Variants in PCDHGA5 observed in about 807,000 individuals in gnomAD.
PCDHGA5 encodes the protein protocadherin gamma subfamily A, 5.
A neutral mutation model predicts 56.7 loss-of-function variants in PCDHGA5; 36 were observed. The observed-to-expected ratio is 0.64, with a 90% confidence interval of 0.49 to 0.84. The LOEUF (loss-of-function observed/expected upper bound fraction) is 0.84. Ranked by LOEUF, PCDHGA5 falls within the 40% of genes least tolerant of loss-of-function variation. PCDHGA5 has a pLI of 0.00. For missense variants in PCDHGA5, 1,305 were observed against 1,201.5 expected (o/e 1.09, Z -1.27); for synonymous variants, 563 against 520.2 (o/e 1.08, Z -1.12).
At chr5:141,408,052 C>T in intron 1 of PCDHGA5, 1 of 1,283,102 alleles carries the variant, frequency 7.8e-7, no homozygotes, top group Non-Finnish European at 1.0e-6. Context: ...CACACAGAGC[C>T]TCCCGGCTGC....
rs773157241 is a variant in PCDHGA5, at chr5:141,370,760, G to A, written c.2421+4009G>A. 7 of 1,613,862 alleles carry A rather than the reference G, an allele frequency of 4.3e-6. No individual in the cohort carries two copies. The Admixed American group carries it at 1.2e-4, about 27-fold the overall frequency. On this transcript the variant is annotated intron_variant, in intron 1 of 3. Coordinates refer to ENST00000518069, the MANE Select transcript of PCDHGA5 (RefSeq NM_018918.3). ...TAAACTTTTTTCATGTAACTGTGCT[G>A]ATCCAGGATATTAACGACAACCCAC...
intron 1 of PCDHGA5, chr5:141,378,812 C>A (rs1775174310): frequency 6.6e-6 from 1 of 152,148 alleles, no homozygotes; most frequent in Admixed American, 6.5e-5. Flanking sequence ...CAAACAGAAT[C>A]ATTGTTTCAT....
intron 1 of PCDHGA5, chr5:141,399,485 A>G (rs760899297): frequency 4.7e-5 from 76 of 1,613,904 alleles, no homozygotes; most frequent in Non-Finnish European, 6.1e-5. Context: ...CAGGCGTCCT[A>G]CTTAGTCAGT....
At chr5:141,404,147 G>C in intron 1 of PCDHGA5, 1 of 1,612,990 alleles carries the variant, frequency 6.2e-7, no homozygotes, top group African/African-American at 1.3e-5. Context: ...AAATTCAGAA[G>C]AAGATTATTA....
At chr5:141,447,938 T>G in intron 1 of PCDHGA5, among the ~76,000 whole-genome samples, 1 of 151,870 alleles carries the variant, frequency 6.6e-6, no homozygotes, top group Admixed American at 6.6e-5. Flanking sequence ...ATACAAAAAT[T>G]AGCTGGGCAT....
intron 1 of PCDHGA5, chr5:141,428,516 G>A (rs763205471): frequency 3.6e-6 from 1 of 281,256 alleles, no homozygotes; most frequent in Non-Finnish European, 7.0e-6. Context: ...TCTAGAAAAA[G>A]AAGATTTAAT....
At position 141,476,573 on chromosome 5, in the gene PCDHGA5, C is replaced by T; in HGVS notation, c.2422-18234C>T. 6.2e-7 allele frequency: 1 copy of T among 1,614,216 alleles called. No homozygotes were observed. Among genetic ancestry groups the T allele is most frequent in the Non-Finnish European group, 8.5e-7 (1 of 1,180,038 alleles). On this transcript the variant is annotated intron_variant, in intron 1 of 3. Coordinates refer to ENST00000518069, the MANE Select transcript of PCDHGA5 (RefSeq NM_018918.3). The surrounding 1 kb of genome is among the most constrained non-coding windows in gnomAD (Gnocchi z 7.6). ...TAGCGAGGCCGTGGCTCCGGGGACG[C>T]GCTTTCCGCTCGAGAGCGCGCACGA... is the stretch of plus-strand genomic sequence containing the variant.
intron 3 of PCDHGA5, 126 bp downstream of exon 3, chr5:141,505,607 T>A: frequency 6.5e-7 from 1 of 1,528,684 alleles, no homozygotes. Flanking sequence ...TCGGCAGGTC[T>A]GAAAGGACCC....
intron 1 of PCDHGA5, chr5:141,418,103 G>A: frequency 1.2e-6 from 2 of 1,614,076 alleles, no homozygotes; most frequent in African/African-American, 1.3e-5. Flanking sequence ...CGCGCAGAGC[G>A]GGGACTTACT....
Position 141,486,274 on chromosome 5 carries a change from T to A in PCDHGA5, c.2422-8533T>A. On this transcript the variant is annotated intron_variant, in intron 1 of 3. Coordinates refer to ENST00000518069, the MANE Select transcript of PCDHGA5 (RefSeq NM_018918.3). The surrounding 1 kb of genome is among the most constrained non-coding windows in gnomAD (Gnocchi z 5.0). ...TCCCCGAGAGTGCAGAACCTGGCAC[T>A]GTGGTGGCACTTATCAGTGTGCAGG... is the stretch of plus-strand genomic sequence containing the variant. 5 of 1,614,064 alleles carry A rather than the reference T, an allele frequency of 3.1e-6. No homozygotes were observed. The highest frequency in any genetic ancestry group is 4.2e-6 in the Non-Finnish European group (5 of 1,179,998).
chr5:141,475,550 TA>T (rs2099365126), intron 1 of PCDHGA5, among the ~76,000 whole-genome samples: 2 of 152,246 alleles, frequency 1.3e-5, no homozygotes, highest in Non-Finnish European at 2.9e-5. Context: ...AGGGTCCGGC[TA>T]ATTGTCTGTC....
At chr5:141,447,837 G>A (rs952923627) in intron 1 of PCDHGA5, among the ~76,000 whole-genome samples, 10 of 152,170 alleles carry the variant, frequency 6.6e-5, no homozygotes, top group African/African-American at 2.4e-4. Flanking sequence ...TGTAATCCCA[G>A]TGCTTTGGGA....
intron 1 of PCDHGA5, chr5:141,405,167 C>T (rs926303279): frequency 7.4e-6 from 12 of 1,614,002 alleles, no homozygotes; most frequent in African/African-American, 1.3e-5. Flanking sequence ...GCCCACCTCA[C>T]ACTTTGTGGG....
chr5:141,366,647 C>A lies in PCDHGA5; in HGVS notation c.2317C>A (p.Pro773Thr). 1 of 1,614,222 alleles carries A rather than the reference C, an allele frequency of 6.2e-7. No individual in the cohort carries two copies. The highest frequency in any genetic ancestry group is 8.5e-7 in the Non-Finnish European group (1 of 1,180,038). ...GAAGAGTCACCTGATCTTTCCCCAG[C>A]CCAACTACGCAGACACGCTCCTTAG... Reference protein sequence around the residue: ...SRKSHLIFPQPNYADTLLSEE... With the variant: ...SRKSHLIFPQTNYADTLLSEE... The change falls in exon 1 of 4, where the codon CCC (proline) becomes ACC (threonine). Residue 773 changes from proline to threonine, a missense_variant. By Grantham distance (38) the Pro-to-Thr change is conservative (BLOSUM62 -1). Coordinates refer to ENST00000518069, the MANE Select transcript of PCDHGA5 (RefSeq NM_018918.3).
At chr5:141,372,218 T>C in intron 1 of PCDHGA5, 1 of 1,613,544 alleles carries the variant, frequency 6.2e-7, no homozygotes, top group Non-Finnish European at 8.5e-7. Flanking sequence ...CCTACCACAT[T>C]GTGCAGGCCA....
At chr5:141,374,611 T>G in intron 1 of PCDHGA5, 1 of 1,613,552 alleles carries the variant, frequency 6.2e-7, no homozygotes, top group East Asian at 2.2e-5. Context: ...GTGGTAATAG[T>G]CACTTCTCAG....
chr5:141,393,393 C>G (rs1244010216), intron 1 of PCDHGA5: 2 of 1,613,900 alleles, frequency 1.2e-6, no homozygotes, highest in African/African-American at 1.3e-5. Context: ...AAACCCAGAG[C>G]TGGTGCTGGA....
Position 141,403,062 on chromosome 5 carries a change from A to G in PCDHGA5, c.2421+36311A>G, listed in dbSNP as rs780758422. On this transcript the variant is annotated intron_variant, in intron 1 of 3. Transcript: ENST00000518069. ...AGTCAGATTCGCTACTCAGTGCCTG[A>G]AGAGACAGAAAAGGGCTATATTGTG... is the stretch of plus-strand genomic sequence containing the variant. The G allele has an allele frequency of 7.4e-6, 12 of 1,613,964 alleles. 1 individual carries two copies. The South Asian group carries it at 1.1e-4, about 15-fold the overall frequency.
rs533857281 is a variant in PCDHGA5 at position 141,429,742 on chromosome 5, T to C, written c.2421+62991T>C. Among the ~76,000 whole-genome samples the C allele has an allele frequency of 3.8e-4, 58 of 152,336 alleles. 1 individual carries two copies. Among genetic ancestry groups the C allele is most frequent in the Admixed American group, 2.0e-4 (3 of 15,302 alleles). Reference sequence around the variant, plus strand: ...ATGAAAGTACGTAGCCAGTTATTTCTTAGGGAGAATTTTTTCCCTATATTT... The same window carrying C: ...ATGAAAGTACGTAGCCAGTTATTTCCTAGGGAGAATTTTTTCCCTATATTT... On this transcript the variant is annotated intron_variant, in intron 1 of 3. Transcript: ENST00000518069.
Sources: allele counts gnomAD v4.1 joint callset (sites outside exome capture counted in the v4.1 genomes callset), GRCh38; gene constraint gnomAD v4.1.1; non-coding constraint Gnocchi (gnomAD v3.1); transcripts MANE v1.5; gene names NCBI Gene and HGNC (gene_info 2026-07-23, HGNC 2026-07-21).